SEC14L5: variants seen among roughly 807,000 people sequenced by gnomAD.
SEC14L5 encodes SEC14 like lipid binding 5, also known as SEC14-like protein 5.
SEC14L5 carries 96 observed loss-of-function variants against 84.6 expected under a neutral mutation model. The ratio of observed to expected loss-of-function variants is 1.13; its 90% CI spans 0.96 to 1.34. The LOEUF (loss-of-function observed/expected upper bound fraction) is 1.34, where lower values mean the gene tolerates loss of function less well. SEC14L5 is among the 40% of genes most tolerant of loss of function. SEC14L5 has a pLI of 0.00. For missense variants in SEC14L5, 1,224 were observed against 942.5 expected, an observed-to-expected ratio of 1.30 and a Z score of -3.91; for synonymous variants, 546 against 383.4, an observed-to-expected ratio of 1.42 and a Z score of -4.95.
intron 2 of SEC14L5, among the ~76,000 whole-genome samples, chr16:4,983,166 C>T (rs917131837): frequency 4.6e-5 from 7 of 151,946 alleles, no homozygotes; most frequent in African/African-American, 1.7e-4. Context: ...CCATGCCCAG[C>T]TAATTTTTGT....
At chr16:5,004,510 T>C (rs1955710425) in intron 11 of SEC14L5, among the ~76,000 whole-genome samples, 1 of 151,828 alleles carries the variant, frequency 6.6e-6, no homozygotes, top group Non-Finnish European at 1.5e-5. Context: ...CAAGCACCAG[T>C]GACTGCAGTA....
Position 5,008,401 on chromosome 16 carries a change from C to T in SEC14L5, c.1573-20C>T. On this transcript the variant is annotated intron_variant, in intron 13 of 15. Transcript: ENST00000251170. ...TACTCTCTCGGCCGTGACTCTCAGA[C>T]CTCGCCTGTCTCCACACAGGTGGCC... The T allele has an allele frequency of 6.3e-7, 1 of 1,577,838 alleles. No individual in the cohort carries two copies. Among genetic ancestry groups the T allele is most frequent in the South Asian group, 1.1e-5 (1 of 89,224 alleles).
chr16:4,990,564 G>A (rs1435868260), intron 4 of SEC14L5, among the ~76,000 whole-genome samples: 3 of 152,242 alleles, frequency 2.0e-5, no homozygotes, highest in Admixed American at 6.5e-5. Flanking sequence ...CTCATGAGAA[G>A]GCTTTTTGTT....
chr16:4,971,399 C>T (rs1955277916), intron 2 of SEC14L5, among the ~76,000 whole-genome samples: 1 of 151,254 alleles, frequency 6.6e-6, no homozygotes, highest in African/African-American at 2.4e-5. Context: ...GTCGAGGCTG[C>T]AGTGAGCCGT....
At position 5,011,289 on chromosome 16, in the gene SEC14L5, A is replaced by G; in HGVS notation, c.1979+16A>G. The G allele has an allele frequency of 1.9e-6, 3 of 1,607,416 alleles. No homozygotes were observed. Among genetic ancestry groups the G allele is most frequent in the Non-Finnish European group, 2.6e-6 (3 of 1,174,804 alleles). On this transcript the variant is annotated intron_variant, in intron 15 of 15. Transcript: ENST00000251170. ...AGGACTTCAGGTAGGAGGGCTCCGG[A>G]GCGGGGTCCTGGGCAGGAAGGACCC...
At position 5,003,569 on chromosome 16, in the gene SEC14L5, C is replaced by T. The variant is rs1272199298; in HGVS notation, c.1298C>T (p.Thr433Ile). 1.5e-6 allele frequency: 2 copies of T among 1,342,162 alleles called. No homozygotes were observed. Among genetic ancestry groups the T allele is most frequent in the South Asian group, 1.2e-5 (1 of 86,312 alleles). 83.1% of individuals were successfully genotyped at this position (1,342,162 alleles called of 1,614,324 possible). A position where few individuals can be genotyped will look rare whatever the true frequency, so the allele number is the denominator to read the frequency against. Residue 433 changes from threonine to isoleucine, a missense_variant, in exon 11 of 16, where the codon ACA becomes ATA. By Grantham distance (89) the Thr-to-Ile change is moderately conservative. Transcript: ENST00000251170. Reference protein sequence around the residue: ...RAPRVFPVLWTLISPFINENT... With the variant: ...RAPRVFPVLWILISPFINENT... ...CCCCGAGTCTTCCCCGTGCTCTGGA[C>T]ACTGGTAAGAGCTGGAGCCTGGGCC...
intron 2 of SEC14L5, among the ~76,000 whole-genome samples, chr16:4,980,068 C>T (rs1054630518): frequency 3.3e-5 from 5 of 152,362 alleles, no homozygotes; most frequent in South Asian, 2.1e-4. Context: ...ACTCCCCGGC[C>T]ATGTGCTGCT....
rs369868065 is a variant in SEC14L5 at position 4,978,837 on chromosome 16, G to C, written c.64-8720G>C. ...AGGATGGTCTCGATCGCTTGACCTC[G>C]TGATCTGCCCGCCTTGGCCTCCCAA... On this transcript the variant is annotated intron_variant, in intron 2 of 15. Coordinates refer to ENST00000251170, the MANE Select transcript of SEC14L5 (RefSeq NM_014692.2). 2.0e-5 allele frequency among the ~76,000 whole-genome samples: 3 copies of C among 152,212 alleles called. No homozygotes were observed. In the East Asian group the frequency reaches 5.8e-4, roughly 30 times the overall value.
intron 15 of SEC14L5, among the ~76,000 whole-genome samples, chr16:5,012,536 C>T (rs1300312098): frequency 1.3e-5 from 2 of 152,214 alleles, no homozygotes; most frequent in Admixed American, 6.5e-5. Flanking sequence ...AAGGCTCACA[C>T]CCAAGTATAA....
intron 2 of SEC14L5, among the ~76,000 whole-genome samples, chr16:4,966,735 C>T (rs1040985392): frequency 3.3e-5 from 5 of 152,128 alleles, no homozygotes; most frequent in African/African-American, 7.2e-5. Flanking sequence ...TCAGGCAGTT[C>T]GGCCCCTCAA....
intron 13 of SEC14L5, 118 bp from the exon 14 acceptor site, chr16:5,008,303 G>A: frequency 1.4e-6 from 1 of 707,496 alleles, no homozygotes; most frequent in Non-Finnish European, 2.5e-6. Context: ...TAAGGAATGA[G>A]CGTGTGCCTG....
chr16:5,002,902 C>T (rs750796618), intron 10 of SEC14L5, among the ~76,000 whole-genome samples: 5 of 152,118 alleles, frequency 3.3e-5, no homozygotes, highest in Non-Finnish European at 5.9e-5. Context: ...TCATTTATGC[C>T]TGAGGTTGCA....
chr16:5,008,745 T>G (rs1162212660), intron 14 of SEC14L5, 97 bp downstream of exon 14: 26 of 1,097,502 alleles, frequency 2.4e-5, no homozygotes, highest in Non-Finnish European at 3.4e-5. Flanking sequence ...CATACTGGGC[T>G]GCTGGTCCCC....
chr16:5,006,048 G>C lies in SEC14L5; in HGVS notation c.1437G>C (p.Val479=). 1 of 1,613,508 alleles carries C rather than the reference G, an allele frequency of 6.2e-7. No individual in the cohort carries two copies. The highest frequency in any genetic ancestry group is 1.1e-5 in the South Asian group (1 of 91,026). Residue 479 remains valine, a splice_region_variant and synonymous_variant, in exon 12 of 16, where the codon GTG becomes GTC. Coordinates refer to ENST00000251170, the MANE Select transcript of SEC14L5 (RefSeq NM_014692.2). ...CTGACTTCCTTGGGGGAGAGAGTGT[G>C]GTGAGGCTTCCATGTCCACAGACAG... ...VIPDFLGGES[V]CNVPEGGLVP...
At chr16:4,985,904 T>A (rs1186302433) in intron 2 of SEC14L5, among the ~76,000 whole-genome samples, 1 of 152,000 alleles carries the variant, frequency 6.6e-6, no homozygotes. Context: ...AATAGCCTGA[T>A]GTTGGTATAA....
chr16:4,983,496 A>G (rs1955448769), intron 2 of SEC14L5, among the ~76,000 whole-genome samples: 1 of 149,954 alleles, frequency 6.7e-6, no homozygotes, highest in Non-Finnish European at 1.5e-5. Flanking sequence ...TACATTGTGT[A>G]TAGAAAGATA....
At chr16:4,992,449 A>G (rs1323868412) in intron 6 of SEC14L5, among the ~76,000 whole-genome samples, 1 of 152,008 alleles carries the variant, frequency 6.6e-6, no homozygotes, top group African/African-American at 2.4e-5. Flanking sequence ...ATGGGGTTTC[A>G]CCATGTTGGT....
intron 4 of SEC14L5, among the ~76,000 whole-genome samples, chr16:4,990,496 A>T (rs1955540932): frequency 6.6e-6 from 1 of 152,224 alleles, no homozygotes; most frequent in African/African-American, 2.4e-5. Context: ...TTTTCTATGT[A>T]TGTGTATAAT....
At chr16:5,008,824 C>T (rs1955766812) in intron 14 of SEC14L5, among the ~76,000 whole-genome samples, 176 bp downstream of exon 14, 2 of 152,222 alleles carry the variant, frequency 1.3e-5, no homozygotes, top group Admixed American at 1.3e-4. Flanking sequence ...AAGTGCTCAC[C>T]TGCCCAATGG....
Sources: gnomAD v4.1 joint callset for allele counts (sites outside exome capture counted in the v4.1 genomes callset) on GRCh38, gnomAD v4.1.1 for gene constraint, MANE v1.5 for transcripts, NCBI Gene and HGNC (gene_info 2026-07-23, HGNC 2026-07-21) for gene names.